The following NEGR1 variants were observed in gnomAD, a reference collection of about 807,000 sequenced individuals.
NEGR1 encodes the protein IgLON family member 4.
A neutral mutation model predicts 40.9 loss-of-function variants in NEGR1; 10 were observed. The observed-to-expected ratio is 0.24, with a 90% CI of 0.15 to 0.42. The LOEUF (loss-of-function observed/expected upper bound fraction) is 0.42. Among genes scored for constraint, NEGR1 ranks in the 10% least tolerant of loss-of-function variants. The pLI is 1.00. For synonymous variants in NEGR1, 185 were observed against 166.8 expected (o/e 1.11, Z -0.84); for missense variants, 352 against 438.9 (o/e 0.80, Z 1.77).
At chr1:71,743,053 C>T (rs1655267278) in intron 3 of NEGR1, among the ~76,000 whole-genome samples, 1 of 152,148 alleles carries the variant, frequency 6.6e-6, no homozygotes, top group African/African-American at 2.4e-5. Context: ...AGACGACATC[C>T]ATCTGCAACC....
intron 1 of NEGR1, among the ~76,000 whole-genome samples, chr1:72,140,151 C>A (rs1650616301): frequency 6.6e-6 from 1 of 151,986 alleles, no homozygotes; most frequent in African/African-American, 2.4e-5. Flanking sequence ...TTTCTGAATC[C>A]TTATGTCACT....
intron 4 of NEGR1, among the ~76,000 whole-genome samples, chr1:71,666,290 G>A (rs1347303607): frequency 6.6e-6 from 1 of 152,086 alleles, no homozygotes; most frequent in Admixed American, 6.6e-5. Context: ...CCTAACAATA[G>A]TCATTTGCAT....
intron 1 of NEGR1, among the ~76,000 whole-genome samples, chr1:72,094,723 C>T (rs1235436530): frequency 2.6e-5 from 4 of 152,174 alleles, no homozygotes; most frequent in Non-Finnish European, 4.4e-5. Flanking sequence ...CTGCTGTCTA[C>T]CCAAACTGAA....
chr1:71,470,247 G>T (rs1258641365), intron 6 of NEGR1, among the ~76,000 whole-genome samples: 1 of 151,944 alleles, frequency 6.6e-6, no homozygotes, highest in Non-Finnish European at 1.5e-5. Context: ...TACTATCGAA[G>T]TTATTTATTT....
intron 3 of NEGR1, among the ~76,000 whole-genome samples, chr1:71,744,089 A>AGTT (rs1001405529): frequency 3.3e-5 from 5 of 152,056 alleles, no homozygotes; most frequent in African/African-American, 1.2e-4. Context: ...GGGAAGACAG[A>AGTT]GTTGTCAATT....
chr1:71,457,981 C>T (rs1346519320), intron 6 of NEGR1, among the ~76,000 whole-genome samples: 1 of 152,148 alleles, frequency 6.6e-6, no homozygotes, highest in African/African-American at 2.4e-5. Context: ...GGATTACAGG[C>T]GTGAGCCACC....
At chr1:71,990,305 CAAT>C (rs1220259194) in intron 1 of NEGR1, among the ~76,000 whole-genome samples, 1 of 152,122 alleles carries the variant, frequency 6.6e-6, no homozygotes, top group Non-Finnish European at 1.5e-5. Flanking sequence ...ATGAATTCTT[CAAT>C]AACATTATTA....
chr1:72,067,345 C>T (rs903633342), intron 1 of NEGR1, among the ~76,000 whole-genome samples: 1 of 152,018 alleles, frequency 6.6e-6, no homozygotes, highest in African/African-American at 2.4e-5. Flanking sequence ...AAAAAGTTCA[C>T]AGAGTGAACT....
intron 3 of NEGR1, among the ~76,000 whole-genome samples, chr1:71,722,913 C>T (rs1461140383): frequency 1.3e-5 from 2 of 152,020 alleles, no homozygotes; most frequent in African/African-American, 4.8e-5. Context: ...TTGTTCCTCT[C>T]TGTAAGTCCT....
In NEGR1 at chr1:71,735,513, G is replaced by A. The variant is rs1655017003; in HGVS notation, c.536-37374C>T. 3.9e-5 allele frequency among the ~76,000 whole-genome samples: 6 copies of A among 151,910 alleles called. No individual in the cohort carries two copies. In the South Asian group the frequency reaches 1.2e-3, roughly 31 times the overall value. Reference sequence around the variant, plus strand: ...GCCTCTTAAAATGGCAAATGACATGGAGTGATTACATGATTTATAGAAAAA... The same window carrying A: ...GCCTCTTAAAATGGCAAATGACATGAAGTGATTACATGATTTATAGAAAAA... On this transcript the variant is annotated intron_variant, in intron 3 of 6. Transcript: ENST00000357731.
chr1:72,042,379 A>C (rs1041897438), intron 1 of NEGR1, among the ~76,000 whole-genome samples: 2 of 151,904 alleles, frequency 1.3e-5, no homozygotes, highest in Non-Finnish European at 2.9e-5. Flanking sequence ...CTATAGGATG[A>C]GGGAAAGTCA....
intron 6 of NEGR1, among the ~76,000 whole-genome samples, chr1:71,467,247 G>T (rs1374461485): frequency 6.6e-6 from 1 of 152,024 alleles, no homozygotes; most frequent in African/African-American, 2.4e-5. Flanking sequence ...GAATCCCAAG[G>T]CTGTGTTGGA....
intron 6 of NEGR1, among the ~76,000 whole-genome samples, chr1:71,558,426 T>C (rs1198944716): frequency 6.6e-6 from 1 of 151,662 alleles, no homozygotes; most frequent in African/African-American, 2.4e-5. Context: ...GCTGCAATTA[T>C]TATAATGGCG....
At chr1:72,251,080 T>A (rs2100530212) in intron 1 of NEGR1, among the ~76,000 whole-genome samples, 1 of 152,254 alleles carries the variant, frequency 6.6e-6, no homozygotes, top group Non-Finnish European at 1.5e-5. Flanking sequence ...GAAGATCCTT[T>A]GGCAAAATAG....
chr1:71,732,887 G>T (rs1654932690), intron 3 of NEGR1, among the ~76,000 whole-genome samples: 1 of 152,012 alleles, frequency 6.6e-6, no homozygotes, highest in African/African-American at 2.4e-5. Context: ...CTCTTAATAG[G>T]ATTAAGGACA....
intron 1 of NEGR1, among the ~76,000 whole-genome samples, chr1:71,960,981 T>A (rs186675661): frequency 5.1e-4 from 77 of 152,322 alleles, no homozygotes; most frequent in Non-Finnish European, 9.3e-4. Flanking sequence ...CTCTATGGTT[T>A]GTATAATTTG....
At position 71,863,767 on chromosome 1, in the gene NEGR1, C is replaced by A. The variant is rs556567003; in HGVS notation, c.409+71312G>T. Among the ~76,000 whole-genome samples the A allele has an allele frequency of 4.6e-5, 7 of 152,140 alleles. No individual in the cohort carries two copies. In the East Asian group the frequency reaches 5.8e-4, roughly 13 times the overall value. On this transcript the variant is annotated intron_variant, in intron 2 of 6. Coordinates refer to ENST00000357731, the MANE Select transcript of NEGR1 (RefSeq NM_173808.3). ...AATAGACAGTACTAGTGTTCCTGAG[C>A]GCCTTAGGGAATATAATTTTGAGTG...
intron 1 of NEGR1, among the ~76,000 whole-genome samples, chr1:72,192,485 ACTG>A (rs1652853126): frequency 6.6e-6 from 1 of 151,884 alleles, no homozygotes; most frequent in Admixed American, 6.6e-5. Flanking sequence ...TTTTAAGAGT[ACTG>A]ATTCCACATA....
chr1:71,712,687 A>G (rs1654140102), intron 3 of NEGR1, among the ~76,000 whole-genome samples: 1 of 152,168 alleles, frequency 6.6e-6, no homozygotes, highest in Non-Finnish European at 1.5e-5. Flanking sequence ...TCAGTGATAT[A>G]GTTTGGATTT....
Sources: allele counts gnomAD v4.1 joint callset (sites outside exome capture counted in the v4.1 genomes callset), GRCh38; gene constraint gnomAD v4.1.1; transcripts MANE v1.5; gene names NCBI Gene and HGNC (gene_info 2026-07-23, HGNC 2026-07-21).